The following GABRG3 variants were observed in gnomAD, a reference collection of about 807,000 sequenced individuals.
The protein encoded by GABRG3 is gamma-aminobutyric acid receptor subunit gamma-3.
GABRG3 carries 25 observed loss-of-function variants against 48.8 expected under a neutral mutation model. The observed-to-expected ratio is 0.51, with a 90% confidence interval of 0.37 to 0.72. GABRG3 has a LOEUF of 0.72. Among genes scored for constraint, GABRG3 ranks in the 30% least tolerant of loss-of-function variants. The pLI is 0.00. For synonymous variants in GABRG3, 227 were observed against 217.6 expected (o/e 1.04, Z -0.38); for missense variants, 394 against 577.9 (o/e 0.68, Z 3.26).
chr15:27,234,595 C>G (rs554858610), intron 3 of GABRG3, among the ~76,000 whole-genome samples: 114 of 152,116 alleles, frequency 7.5e-4, no homozygotes, highest in Admixed American at 2.7e-3. Flanking sequence ...GTTCTGGAGA[C>G]CGCGGTGCTC....
intron 3 of GABRG3, among the ~76,000 whole-genome samples, chr15:27,156,978 CATT>C (rs1286993019): frequency 1.3e-5 from 2 of 152,162 alleles, no homozygotes; most frequent in Non-Finnish European, 2.9e-5. Flanking sequence ...TGTAGAATGA[CATT>C]ATTTTCTAAA....
chr15:27,518,831 T>C (rs1891090460), intron 6 of GABRG3, among the ~76,000 whole-genome samples: 1 of 152,170 alleles, frequency 6.6e-6, no homozygotes, highest in South Asian at 2.1e-4. Flanking sequence ...AAGGCTAAAA[T>C]GATACTAGTG....
At chr15:27,157,994 T>G (rs1229577389) in intron 3 of GABRG3, 2 of 152,194 alleles carry the variant, frequency 1.3e-5, no homozygotes, top group Admixed American at 6.5e-5. Context: ...CACAAGTACT[T>G]CCTGGGCATC....
intron 5 of GABRG3, among the ~76,000 whole-genome samples, chr15:27,388,283 GGAAGGAAGAAAA>G (rs1323143640): frequency 6.5e-4 from 36 of 55,138 alleles, no homozygotes; most frequent in Non-Finnish European, 9.2e-4. Context: ...GGGTAAGGAA[GGAAGGAAGAAAA>G]GAAGGAAGGA....
intron 3 of GABRG3, among the ~76,000 whole-genome samples, chr15:27,044,893 A>T (rs1348766237): frequency 6.6e-6 from 1 of 152,228 alleles, no homozygotes; most frequent in Non-Finnish European, 1.5e-5. Flanking sequence ...AAGCATACTC[A>T]TAAGTTAGCC....
intron 3 of GABRG3, among the ~76,000 whole-genome samples, chr15:27,272,363 G>A (rs1472504684): frequency 6.6e-6 from 1 of 152,172 alleles, no homozygotes; most frequent in Non-Finnish European, 1.5e-5. Context: ...ACCCCCAGAC[G>A]GGGTTGTGTC....
intron 3 of GABRG3, among the ~76,000 whole-genome samples, chr15:27,278,930 C>T (rs1286660636): frequency 6.6e-6 from 1 of 152,128 alleles, no homozygotes; most frequent in African/African-American, 2.4e-5. Context: ...TTTTACATTC[C>T]CAGTAGCAAT....
chr15:27,106,833 A>G (rs7180598), intron 3 of GABRG3, among the ~76,000 whole-genome samples: 78,206 of 151,854 alleles, frequency 0.52, 20,890 homozygotes, highest in African/African-American at 0.66. Context: ...AAATGGACTA[A>G]TTCTTCAAAA....
chr15:27,061,359 G>A (rs1302415889), intron 3 of GABRG3, among the ~76,000 whole-genome samples: 1 of 152,130 alleles, frequency 6.6e-6, no homozygotes, highest in Non-Finnish European at 1.5e-5. Context: ...TACGGGGCTG[G>A]GTGGGTTCTG....
chr15:27,256,323 C>T, intron 3 of GABRG3, among the ~76,000 whole-genome samples: 1 of 152,058 alleles, frequency 6.6e-6, no homozygotes, highest in Admixed American at 6.5e-5. Context: ...CGCCTGTAGG[C>T]CCAGCTACTT....
intron 3 of GABRG3, among the ~76,000 whole-genome samples, chr15:27,038,571 G>T (rs1219633055): frequency 6.6e-6 from 1 of 152,206 alleles, no homozygotes. Context: ...TCCCTTCCCT[G>T]TGTTAGGGTT....
At chr15:27,517,471 A>C (rs1891050727) in intron 6 of GABRG3, among the ~76,000 whole-genome samples, 1 of 152,208 alleles carries the variant, frequency 6.6e-6, no homozygotes, top group South Asian at 2.1e-4. Context: ...AAGGGAGTAT[A>C]CTGAGCATAG....
intron 5 of GABRG3, among the ~76,000 whole-genome samples, chr15:27,434,342 C>T (rs546060813): frequency 9.9e-5 from 15 of 152,116 alleles, no homozygotes; most frequent in South Asian, 4.2e-4. Context: ...CTTTGAGAAC[C>T]GGCAGAATTC....
intron 6 of GABRG3, among the ~76,000 whole-genome samples, chr15:27,512,066 C>T (rs1459921064): frequency 6.6e-6 from 1 of 152,104 alleles, no homozygotes; most frequent in Non-Finnish European, 1.5e-5. Flanking sequence ...AAGCCACGCT[C>T]TTAGTATTAA....
chr15:27,160,891 C>T (rs1421088910), intron 3 of GABRG3: 1 of 152,006 alleles, frequency 6.6e-6, no homozygotes, highest in African/African-American at 2.4e-5. Flanking sequence ...TTAGTATTTC[C>T]AGGTCTTTTT....
intron 3 of GABRG3, among the ~76,000 whole-genome samples, chr15:27,183,970 G>A (rs1888014383): frequency 6.6e-6 from 1 of 152,084 alleles, no homozygotes; most frequent in African/African-American, 2.4e-5. Context: ...ACTCTTACCT[G>A]GGGTAACAAA....
intron 5 of GABRG3, chr15:27,350,128 C>G (rs1273561144): frequency 2.2e-6 from 1 of 455,996 alleles, no homozygotes; most frequent in Admixed American, 2.3e-5. Flanking sequence ...CTTTCCCAGC[C>G]ACCATCTTGG....
At chr15:27,532,474 A>AGAGTGGGGGAT (rs28399530) in intron 9 of GABRG3, 126 bp from the exon 10 acceptor site, 36,807 of 757,320 alleles carry the variant, frequency 0.049, 5,066 homozygotes, top group African/African-American at 0.42. Context: ...CATGGGGGGA[A>AGAGTGGGGGAT]GGGCACACCC....
chr15:27,239,021 A>G (rs949748210), intron 3 of GABRG3, among the ~76,000 whole-genome samples: 2 of 152,242 alleles, frequency 1.3e-5, no homozygotes, highest in African/African-American at 4.8e-5. Flanking sequence ...TTTATGTGGA[A>G]TGAAGCATTA....
Sources: allele counts gnomAD v4.1 joint callset (sites outside exome capture counted in the v4.1 genomes callset), GRCh38; gene constraint gnomAD v4.1.1; transcripts MANE v1.5; gene names NCBI Gene and HGNC (gene_info 2026-07-23, HGNC 2026-07-21).